TBXAS1: variants seen among roughly 807,000 people sequenced by gnomAD.
TBXAS1 encodes thromboxane-A synthase.
A neutral mutation model predicts 60.7 loss-of-function variants in TBXAS1; 48 were observed. The observed-to-expected ratio is 0.79, with a 90% CI of 0.63 to 1.01. The LOEUF is 1.01. Among genes scored for constraint, TBXAS1 ranks in the 50% least tolerant of loss-of-function variants. The pLI is 0.00. For missense variants in TBXAS1, 685 were observed against 686.3 expected (o/e 1.00, Z 0.02); for synonymous variants, 287 against 269.7 (o/e 1.06, Z -0.63).
At chr7:139,813,968 T>C (rs1238280419) in intron 4 of TBXAS1, among the ~76,000 whole-genome samples, 1 of 152,232 alleles carries the variant, frequency 6.6e-6, no homozygotes, top group East Asian at 1.9e-4. Context: ...GTTTTCATTT[T>C]TCTGGCCCTT....
chr7:139,994,798 G>A (rs1248336782), intron 9 of TBXAS1, among the ~76,000 whole-genome samples: 1 of 152,202 alleles, frequency 6.6e-6, no homozygotes, highest in East Asian at 1.9e-4. Context: ...TTAACCCACG[G>A]AGAAAAGAGA....
chr7:140,010,530 C>G (rs757998701), intron 10 of TBXAS1, among the ~76,000 whole-genome samples: 46 of 152,110 alleles, frequency 3.0e-4, no homozygotes, highest in Non-Finnish European at 4.3e-4. Context: ...GCCTCCAGGT[C>G]CAGGCTGTTT....
chr7:139,880,660 T>A (rs576495364), intron 3 of TBXAS1, among the ~76,000 whole-genome samples: 10 of 152,358 alleles, frequency 6.6e-5, no homozygotes, highest in African/African-American at 2.4e-4. Context: ...TCATTCTTGT[T>A]AAATTAGGTA....
At chr7:139,903,681 T>A (rs1387219660) in intron 3 of TBXAS1, among the ~76,000 whole-genome samples, 1 of 152,144 alleles carries the variant, frequency 6.6e-6, no homozygotes, top group Non-Finnish European at 1.5e-5. Context: ...GCAGTTTTGA[T>A]CGGCATTTCC....
chr7:139,935,069 C>T (rs1783034170), intron 4 of TBXAS1, among the ~76,000 whole-genome samples: 1 of 152,244 alleles, frequency 6.6e-6, no homozygotes. Context: ...CCACCTTGGC[C>T]TCCCAGCGTG....
chr7:139,888,980 A>G (rs1366905483), intron 3 of TBXAS1, among the ~76,000 whole-genome samples: 1 of 151,936 alleles, frequency 6.6e-6, no homozygotes, highest in Non-Finnish European at 1.5e-5. Flanking sequence ...GGTGAGAGAG[A>G]TAAGAGTGAT....
chr7:139,926,916 A>G (rs1241750162), intron 4 of TBXAS1, among the ~76,000 whole-genome samples: 1 of 151,952 alleles, frequency 6.6e-6, no homozygotes, highest in African/African-American at 2.4e-5. Context: ...TTAATTTCCA[A>G]TTAAACAATT....
chr7:139,990,966 G>A (rs766349233), intron 9 of TBXAS1, among the ~76,000 whole-genome samples: 2 of 152,092 alleles, frequency 1.3e-5, no homozygotes, highest in Non-Finnish European at 2.9e-5. Flanking sequence ...GACATTGCAG[G>A]AGCAGAGACA....
At chr7:139,950,869 G>A (rs868138201) in intron 5 of TBXAS1, among the ~76,000 whole-genome samples, 37 of 140,182 alleles carry the variant, frequency 2.6e-4, no homozygotes, top group African/African-American at 4.6e-4. Flanking sequence ...CTCCATCTAC[G>A]GGACCCCCTC....
At chr7:139,899,046 C>A (rs538370483) in intron 3 of TBXAS1, among the ~76,000 whole-genome samples, 2 of 151,582 alleles carry the variant, frequency 1.3e-5, no homozygotes, top group African/African-American at 4.8e-5. Flanking sequence ...CACATGCGCT[C>A]ATTATAAAAC....
chr7:139,832,645 A>C (rs553507350), intron 1 of TBXAS1, among the ~76,000 whole-genome samples: 18 of 152,330 alleles, frequency 1.2e-4, no homozygotes, highest in East Asian at 5.8e-4. Context: ...ATCTTTGCCT[A>C]GGCACATTGT....
intron 3 of TBXAS1, among the ~76,000 whole-genome samples, chr7:139,784,972 A>G (rs893473949): frequency 5.3e-5 from 8 of 152,214 alleles, no homozygotes; most frequent in Admixed American, 2.6e-4. Context: ...GGCTGCCTGC[A>G]TCGAAGGGGC....
chr7:139,891,718 T>G (rs1342545492), intron 3 of TBXAS1, among the ~76,000 whole-genome samples: 1 of 152,218 alleles, frequency 6.6e-6, no homozygotes, highest in Admixed American at 6.5e-5. Flanking sequence ...GACTGACACA[T>G]AATAGATGCT....
intron 10 of TBXAS1, among the ~76,000 whole-genome samples, chr7:140,012,147 C>T (rs145604681): frequency 7.2e-5 from 11 of 152,270 alleles, no homozygotes; most frequent in Non-Finnish European, 1.0e-4. Context: ...GAGGACAAGC[C>T]TTGACAGAGG....
Position 139,953,408 on chromosome 7 carries a change from C to G in TBXAS1, c.491C>G (p.Ala164Gly). 6.2e-7 allele frequency: 1 copy of G among 1,614,210 alleles called. No homozygotes were observed. The change falls in exon 6 of 13, where the codon GCT becomes GGT. Residue 164 changes from alanine to glycine, a missense_variant. Ala to Gly is a moderately conservative substitution (Grantham distance 60). Coordinates refer to ENST00000448866, the MANE Select transcript of TBXAS1 (RefSeq NM_001061.7). ...LISQACDLLLAHLKRYAESGD... is the reference protein window; with the variant it reads ...LISQACDLLLGHLKRYAESGD... Reference sequence around the variant, plus strand: ...AGCCAAGCCTGCGACCTTCTCCTGGCTCATTTAAAACGCTATGCGGAATCT... The same window carrying G: ...AGCCAAGCCTGCGACCTTCTCCTGGGTCATTTAAAACGCTATGCGGAATCT...
At chr7:139,793,741 G>T (rs1296371389) in intron 4 of TBXAS1, among the ~76,000 whole-genome samples, 1 of 152,226 alleles carries the variant, frequency 6.6e-6, no homozygotes, top group African/African-American at 2.4e-5. Context: ...GCATAATAAT[G>T]AAAACATTTA....
chr7:139,983,632 A>T (rs960323850), intron 9 of TBXAS1, among the ~76,000 whole-genome samples: 3 of 152,166 alleles, frequency 2.0e-5, no homozygotes, highest in African/African-American at 7.2e-5. Flanking sequence ...TCACCTACTC[A>T]GTCTAGATTT....
intron 4 of TBXAS1, among the ~76,000 whole-genome samples, chr7:139,812,243 T>C (rs1798036896): frequency 6.6e-6 from 1 of 152,236 alleles, no homozygotes; most frequent in Admixed American, 6.5e-5. Flanking sequence ...ACTTTGTGGT[T>C]GAGGCTGAAT....
chr7:139,781,965 T>G, intron 2 of TBXAS1, among the ~76,000 whole-genome samples: 1 of 151,596 alleles, frequency 6.6e-6, no homozygotes, highest in South Asian at 2.1e-4. Context: ...CCTGAATATG[T>G]GTCCTGTTTT....
Sources: allele counts gnomAD v4.1 joint callset (sites outside exome capture counted in the v4.1 genomes callset), GRCh38; gene constraint gnomAD v4.1.1; transcripts MANE v1.5; gene names NCBI Gene and HGNC (gene_info 2026-07-23, HGNC 2026-07-21).